SLC12A6: variants seen among roughly 807,000 people sequenced by gnomAD.
The protein encoded by SLC12A6 is solute carrier family 12 member 6, also known as K-Cl cotransporter 3.
SLC12A6 carries 66 observed loss-of-function variants against 135.3 expected under a neutral mutation model. The ratio of observed to expected loss-of-function variants is 0.49; its 90% CI spans 0.40 to 0.60. The LOEUF (loss-of-function observed/expected upper bound fraction) is 0.60. Among genes scored for constraint, SLC12A6 ranks in the 20% least tolerant of loss-of-function variants. The pLI is 0.00. For missense variants in SLC12A6, 1,058 were observed against 1,452.3 expected (o/e 0.73, Z 4.41); for synonymous variants, 513 against 508.8 (o/e 1.01, Z -0.11).
intron 2 of SLC12A6, among the ~76,000 whole-genome samples, chr15:34,328,285 T>C (rs1400385585): frequency 6.6e-6 from 1 of 152,220 alleles, no homozygotes; most frequent in Non-Finnish European, 1.5e-5. Flanking sequence ...AAACTTCAGG[T>C]TTCGCAAAGC....
At chr15:34,330,689 C>CA (rs11378922) in intron 2 of SLC12A6, among the ~76,000 whole-genome samples, 26,880 of 148,848 alleles carry the variant, frequency 0.18, 2,611 homozygotes, top group East Asian at 0.33. Context: ...AAAACAAAAA[C>CA]AAAAAAAACA....
rs1892345734 is a variant in SLC12A6 at position 34,250,959 on chromosome 15, G to C, written c.1432C>G (p.Leu478Val). 6.2e-7 allele frequency: 1 copy of C among 1,611,914 alleles called. No individual in the cohort carries two copies. Among genetic ancestry groups the C allele is most frequent in the Non-Finnish European group, 8.5e-7 (1 of 1,178,018 alleles). The change falls in exon 11 of 26, where the codon CTT (leucine) becomes GTT (valine). Residue 478 changes from leucine (L) to valine (V), a missense_variant. Transcript: ENST00000354181. ...VLGSLNHEYV[L>V]VDITTSFTLL... ...GTGAAGGAGGTGGTGATGTCAACAA[G>C]AACATATTCATGGTTTAAGCTGCCT...
At chr15:34,302,136 T>C (rs891190859) in intron 2 of SLC12A6, among the ~76,000 whole-genome samples, 6 of 152,186 alleles carry the variant, frequency 3.9e-5, no homozygotes, top group East Asian at 1.9e-4. Flanking sequence ...ATACAACCTA[T>C]GGTTGTAATT....
chr15:34,329,530 C>T (rs182511999), intron 2 of SLC12A6, among the ~76,000 whole-genome samples: 1 of 152,096 alleles, frequency 6.6e-6, no homozygotes, highest in East Asian at 1.9e-4. Context: ...AATCTGGAAT[C>T]TAGAAACATG....
chr15:34,312,497 G>T (rs1230981478), intron 2 of SLC12A6, among the ~76,000 whole-genome samples: 1 of 152,198 alleles, frequency 6.6e-6, no homozygotes, highest in African/African-American at 2.4e-5. Flanking sequence ...CAAGTAAACA[G>T]ATTATTATAA....
chr15:34,300,849 C>G (rs1896203558), intron 2 of SLC12A6, among the ~76,000 whole-genome samples: 1 of 150,472 alleles, frequency 6.6e-6, no homozygotes, highest in Non-Finnish European at 1.5e-5. Flanking sequence ...GCATGAGGGG[C>G]AGGGGTCCTA....
intron 2 of SLC12A6, among the ~76,000 whole-genome samples, chr15:34,306,259 G>A (rs927227330): frequency 5.9e-5 from 9 of 152,212 alleles, no homozygotes; most frequent in African/African-American, 2.2e-4. Context: ...CCTGTGGGTA[G>A]GCAGTGCTGC....
At chr15:34,333,260 C>T (rs1241792539) in intron 2 of SLC12A6, among the ~76,000 whole-genome samples, 2 of 142,990 alleles carry the variant, frequency 1.4e-5, no homozygotes, top group Non-Finnish European at 1.5e-5. Flanking sequence ...GACAGAGTCT[C>T]GCTCTGTCAC....
chr15:34,289,999 C>T (rs930300583), intron 2 of SLC12A6, among the ~76,000 whole-genome samples: 6 of 151,886 alleles, frequency 4.0e-5, no homozygotes, highest in African/African-American at 1.5e-4. Flanking sequence ...ATCTTAGTAA[C>T]TATTTCTTGC....
intron 2 of SLC12A6, among the ~76,000 whole-genome samples, chr15:34,334,828 T>A (rs1044372320): frequency 2.0e-5 from 3 of 152,190 alleles, no homozygotes; most frequent in Non-Finnish European, 4.4e-5. Flanking sequence ...TGTAAAAGGA[T>A]ACCACTTTAG....
At chr15:34,316,430 C>T (rs1386067740) in intron 2 of SLC12A6, among the ~76,000 whole-genome samples, 1 of 152,152 alleles carries the variant, frequency 6.6e-6, no homozygotes, top group African/African-American at 2.4e-5. Context: ...ATTGTTCTGA[C>T]ATACATTTCC....
At chr15:34,298,699 G>C (rs1896046092) in intron 2 of SLC12A6, among the ~76,000 whole-genome samples, 1 of 152,020 alleles carries the variant, frequency 6.6e-6, no homozygotes, top group Non-Finnish European at 1.5e-5. Context: ...GAGAAAGTGG[G>C]TACACAGAAG....
intron 10 of SLC12A6, 145 bp from the exon 11 acceptor site, chr15:34,251,202 C>T (rs550516128): frequency 4.5e-6 from 3 of 664,306 alleles, no homozygotes; most frequent in African/African-American, 3.7e-5. Context: ...CATGTATACA[C>T]ACACATTGCA....
chr15:34,253,077 C>G (rs764182098), intron 9 of SLC12A6, among the ~76,000 whole-genome samples: 20 of 152,050 alleles, frequency 1.3e-4, no homozygotes, highest in Non-Finnish European at 2.4e-4. Flanking sequence ...TTTTCTTTAA[C>G]CCAGAGACAC....
rs1364306494 is a variant in SLC12A6, at chr15:34,321,913, A to C, written c.271+14497T>G. On this transcript the variant is annotated intron_variant, in intron 2 of 25. Coordinates refer to ENST00000354181, the MANE Select transcript of SLC12A6 (RefSeq NM_001365088.1). ...TTTATAAGGTTTTAGAACAGACAAA[A>C]CTAACCTATGATGCAGAAAAAGCAG... Among the ~76,000 whole-genome samples the C allele has an allele frequency of 4.6e-5, 7 of 152,350 alleles. No homozygotes were observed. In the East Asian group the frequency reaches 1.3e-3, roughly 29 times the overall value.
chr15:34,254,996 T>A (rs1286574121), intron 8 of SLC12A6, among the ~76,000 whole-genome samples: 2 of 152,200 alleles, frequency 1.3e-5, no homozygotes, highest in Non-Finnish European at 2.9e-5. Flanking sequence ...TCAAAAAAGA[T>A]AAACTTTATT....
chr15:34,272,765 A>G (rs1894053246), intron 3 of SLC12A6, among the ~76,000 whole-genome samples: 5 of 152,192 alleles, frequency 3.3e-5, no homozygotes, highest in Admixed American at 3.3e-4. Context: ...ATTAGCTGGG[A>G]ACAAAATCCA....
rs529786134 is a variant in SLC12A6 at position 34,335,726 on chromosome 15, G to C, written c.271+684C>G. 2.0e-5 allele frequency among the ~76,000 whole-genome samples: 3 copies of C among 152,246 alleles called. No individual in the cohort carries two copies. In the South Asian group the frequency reaches 6.2e-4, roughly 32 times the overall value. On this transcript the variant is annotated intron_variant, in intron 2 of 25. Transcript: ENST00000354181. Reference sequence around the variant, plus strand: ...GTCTGTAGCAGTCAACATGAGCCAGGAGTGGCTTGTGTGCTACCTGCTAAC... The same window carrying C: ...GTCTGTAGCAGTCAACATGAGCCAGCAGTGGCTTGTGTGCTACCTGCTAAC...
chr15:34,272,069 G>C (rs1026680112), intron 3 of SLC12A6, among the ~76,000 whole-genome samples: 4 of 151,906 alleles, frequency 2.6e-5, no homozygotes, highest in Non-Finnish European at 5.9e-5. Flanking sequence ...TCCACCTCCT[G>C]GTTCAAGCGA....
Sources: allele counts gnomAD v4.1 joint callset (sites outside exome capture counted in the v4.1 genomes callset), GRCh38; gene constraint gnomAD v4.1.1; transcripts MANE v1.5; gene names NCBI Gene and HGNC (gene_info 2026-07-23, HGNC 2026-07-21).